Variants in OR5B2 observed in about 807,000 individuals in gnomAD.
OR5B2 encodes the protein olfactory receptor 5B2.
For synonymous variants in OR5B2, 163 were observed against 140.8 expected (o/e 1.16, Z -1.11); for missense variants, 411 against 367.0 (o/e 1.12, Z -0.98).
At chr11:58,426,900 A>T (rs1006579088) in intron 1 of OR5B2, among the ~76,000 whole-genome samples, 4 of 152,164 alleles carry the variant, frequency 2.6e-5, no homozygotes, top group African/African-American at 9.7e-5. Flanking sequence ...AGAAGGGATC[A>T]TCGTATCTGC....
At position 58,422,254 on chromosome 11, in the gene OR5B2, T is replaced by C. The variant is rs1287240044; in HGVS notation, c.*78A>G. 5 of 827,232 alleles carry C rather than the reference T, an allele frequency of 6.0e-6. No individual in the cohort carries two copies. In the Admixed American group the frequency reaches 6.7e-5, roughly 11 times the overall value. The allele number at this position is 827,232 out of a possible 1,614,324, so 51.2% of individuals were successfully genotyped here. A position where few individuals can be genotyped will look rare whatever the true frequency, so the allele number is the denominator to read the frequency against. Reference sequence around the variant, plus strand: ...CTTAAATGTATTGTGGGGTTTCAAATGTAACTCATTGCATGAGGAAAGTCT... The same window carrying C: ...CTTAAATGTATTGTGGGGTTTCAAACGTAACTCATTGCATGAGGAAAGTCT... On this transcript the variant is annotated 3_prime_UTR_variant, in exon 3 of 3. Coordinates refer to ENST00000641342, the MANE Select transcript of OR5B2 (RefSeq NM_001005566.3).
intron 2 of OR5B2, 122 bp downstream of exon 2, chr11:58,426,500 T>C (rs1855340009): frequency 6.6e-6 from 1 of 152,148 alleles, no homozygotes; most frequent in Non-Finnish European, 1.5e-5. Context: ...CATGAAAATA[T>C]TAAAAGCTGG....
Position 58,425,173 on chromosome 11 carries a change from TTC to T in OR5B2, c.-29+1447_-29+1448del, listed in dbSNP as rs1855323187. 4.6e-5 allele frequency among the ~76,000 whole-genome samples: 7 copies of T among 152,210 alleles called. No homozygotes were observed. The South Asian group carries it at 1.5e-3, about 32-fold the overall frequency. Reference sequence around the variant, plus strand: ...AGTTTGAAGAGCTGTCAATTCACACTTCTGTTATTTTTGTTTGTTTTACTTCA... The same window carrying T: ...AGTTTGAAGAGCTGTCAATTCACACTTGTTATTTTTGTTTGTTTTACTTCA... On this transcript the variant is annotated intron_variant, in intron 2 of 2. Transcript: ENST00000641342.
In OR5B2 at chr11:58,422,947, C is replaced by T; in HGVS notation, c.315G>A (p.Leu105=). The T allele has an allele frequency of 3.1e-6, 5 of 1,613,764 alleles. No homozygotes were observed. In the Middle Eastern group the frequency reaches 8.3e-4, roughly 266 times the overall value. ...CCAACAAGTAATTTTCCACCGTGGCCAAGGCTACAAAGAAGAACATCTGAA... is the reference window on the plus strand; with the variant it reads ...CCAACAAGTAATTTTCCACCGTGGCTAAGGCTACAAAGAAGAACATCTGAA... ...CAVQMFFFVA[L]ATVENYLLAS... The change falls in exon 3 of 3, where the codon TTG becomes TTA. Residue 105 remains leucine, a synonymous_variant. Transcript: ENST00000641342.
chr11:58,422,184 A>C lies in OR5B2; in HGVS notation c.*148T>G. The C allele has an allele frequency of 4.0e-6, 2 of 496,930 alleles. No individual in the cohort carries two copies. Among genetic ancestry groups the C allele is most frequent in the Non-Finnish European group, 7.1e-6 (2 of 281,274 alleles). 30.8% of individuals were successfully genotyped at this position (496,930 alleles called of 1,614,324 possible). A position where few individuals can be genotyped will look rare whatever the true frequency, so the allele number is the denominator to read the frequency against. ...ACATTTCTGATAATATTTTATTTTTATTAAAAAATTGACTTCTAAAGAGGT... is the reference window on the plus strand; with the variant it reads ...ACATTTCTGATAATATTTTATTTTTCTTAAAAAATTGACTTCTAAAGAGGT... On this transcript the variant is annotated 3_prime_UTR_variant, in exon 3 of 3. Transcript: ENST00000641342.
chr11:58,422,415 G>C lies in OR5B2; in HGVS notation c.847C>G (p.Leu283Val). Residue 283 changes from leucine (L) to valine (V), a missense_variant, in exon 3 of 3, where the codon CTG (leucine) becomes GTG (valine). Leu to Val is a conservative substitution (Grantham distance 32). Transcript: ENST00000641342. ...SVFYAMIIPM[L>V]NPVVYSLRNR... Reference sequence around the variant, plus strand: ...CTCAGGCTGTAGACCACAGGGTTCAGCATGGGGATGATCATAGCATAGAAC... The same window carrying C: ...CTCAGGCTGTAGACCACAGGGTTCACCATGGGGATGATCATAGCATAGAAC... 6.2e-7 allele frequency: 1 copy of C among 1,613,658 alleles called. No individual in the cohort carries two copies. Among genetic ancestry groups the C allele is most frequent in the Non-Finnish European group, 8.5e-7 (1 of 1,179,742 alleles).
rs1855298354 is a variant in OR5B2 at position 58,423,040 on chromosome 11, A to G, written c.222T>C (p.Ala74=). The part of the protein sequence containing the change: ...LSLVDFGYSS[A]VTPKVMAGFL... Reference sequence around the variant, plus strand: ...ACCCAGCCATGACCTTGGGAGTGACAGCTGAGGAGTATCCAAAGTCCACCA... The same window carrying G: ...ACCCAGCCATGACCTTGGGAGTGACGGCTGAGGAGTATCCAAAGTCCACCA... The change falls in exon 3 of 3, where the codon GCT becomes GCC. Residue 74 remains alanine, a synonymous_variant. Coordinates refer to ENST00000641342, the MANE Select transcript of OR5B2 (RefSeq NM_001005566.3). 6.2e-7 allele frequency: 1 copy of G among 1,613,528 alleles called. No homozygotes were observed. The highest frequency in any genetic ancestry group is 8.5e-7 in the Non-Finnish European group (1 of 1,179,558).
At chr11:58,427,004 T>C (rs1046488246) in intron 1 of OR5B2, among the ~76,000 whole-genome samples, 1 of 151,474 alleles carries the variant, frequency 6.6e-6, no homozygotes, top group Non-Finnish European at 1.5e-5. Context: ...CTTAGTACAA[T>C]GGACAACCTT....
chr11:58,422,433 C>T lies in OR5B2; in HGVS notation c.829G>A (p.Ala277Thr), dbSNP rs1590711410. 6.2e-7 allele frequency: 1 copy of T among 1,613,698 alleles called. No individual in the cohort carries two copies. The highest frequency in any genetic ancestry group is 8.5e-7 in the Non-Finnish European group (1 of 1,179,786). Reference sequence around the variant, plus strand: ...GGGTTCAGCATGGGGATGATCATAGCATAGAACACAGATGCCATTTTGTCT... The same window carrying T: ...GGGTTCAGCATGGGGATGATCATAGTATAGAACACAGATGCCATTTTGTCT... ...DTDKMASVFY[A>T]MIIPMLNPVV... Residue 277 changes from alanine to threonine, a missense_variant, in exon 3 of 3, where the codon GCT (alanine) becomes ACT (threonine). Physicochemically the swap from Ala to Thr is moderately conservative, Grantham distance 58. Coordinates refer to ENST00000641342, the MANE Select transcript of OR5B2 (RefSeq NM_001005566.3).
Position 58,422,604 on chromosome 11 carries a change from A to G in OR5B2, c.658T>C (p.Phe220Leu). The G allele has an allele frequency of 6.2e-7, 1 of 1,613,728 alleles. No individual in the cohort carries two copies. Among genetic ancestry groups the G allele is most frequent in the South Asian group, 1.1e-5 (1 of 91,074 alleles). ...LVIFISYLFI[F>L]ITILKMHSAK... is the part of the protein sequence containing the mutation. ...GAATGCATCTTCAAGATGGTGATGA[A>G]TATGAACAAGTAGGAGATAAAGATA... Residue 220 changes from phenylalanine (F) to leucine (L), a missense_variant, in exon 3 of 3, where the codon TTC becomes CTC. Physicochemically the swap from Phe to Leu is conservative, Grantham distance 22. Coordinates refer to ENST00000641342, the MANE Select transcript of OR5B2 (RefSeq NM_001005566.3).
Position 58,422,606 on chromosome 11 carries a change from A to G in OR5B2, c.656T>C (p.Ile219Thr). The part of the protein sequence containing the change: ...LLVIFISYLF[I>T]FITILKMHSA... ...ATGCATCTTCAAGATGGTGATGAATATGAACAAGTAGGAGATAAAGATAAC... is the reference window on the plus strand; with the variant it reads ...ATGCATCTTCAAGATGGTGATGAATGTGAACAAGTAGGAGATAAAGATAAC... Residue 219 changes from isoleucine (I) to threonine (T), a missense_variant, in exon 3 of 3, where the codon ATA becomes ACA. Physicochemically the swap from Ile to Thr is moderately conservative, Grantham distance 89. Coordinates refer to ENST00000641342, the MANE Select transcript of OR5B2 (RefSeq NM_001005566.3). 1 of 1,613,780 alleles carries G rather than the reference A, an allele frequency of 6.2e-7. No individual in the cohort carries two copies. Among genetic ancestry groups the G allele is most frequent in the Non-Finnish European group, 8.5e-7 (1 of 1,179,840 alleles).
intron 2 of OR5B2, among the ~76,000 whole-genome samples, chr11:58,426,056 A>C (rs955587010): frequency 2.0e-5 from 3 of 152,034 alleles, no homozygotes; most frequent in Non-Finnish European, 4.4e-5. Flanking sequence ...TTATTTATTC[A>C]TTTATTCATT....
chr11:58,422,546 C>T lies in OR5B2; in HGVS notation c.716G>A (p.Cys239Tyr), dbSNP rs777308368. 1.2e-6 allele frequency: 2 copies of T among 1,613,754 alleles called. No individual in the cohort carries two copies. The highest frequency in any genetic ancestry group is 2.2e-5 in the East Asian group (1 of 44,858). Residue 239 changes from cysteine to tyrosine, a missense_variant, in exon 3 of 3, where the codon TGT becomes TAT. Physicochemically the swap from Cys to Tyr is radical, Grantham distance 194 (BLOSUM62 -2). Coordinates refer to ENST00000641342, the MANE Select transcript of OR5B2 (RefSeq NM_001005566.3). ...GGAGACTGCAGTGAAGTGAGAGGCA[C>T]AGGTGGACAATGCTTTTTGGTGTCC... ...AKGHQKALSTCASHFTAVSVF... is the reference protein window; with the variant it reads ...AKGHQKALSTYASHFTAVSVF...
rs1309570562 is a variant in OR5B2 at position 58,422,699 on chromosome 11, G to C, written c.563C>G (p.Ser188Cys). Residue 188 changes from serine to cysteine, a missense_variant, in exon 3 of 3, where the codon TCT becomes TGT. By Grantham distance (112) the Ser-to-Cys change is moderately radical. Coordinates refer to ENST00000641342, the MANE Select transcript of OR5B2 (RefSeq NM_001005566.3). ...AATCACCTCACTAGTGTGTTTATCA[G>C]AGCAAGACAGAGCCATGACTGCTGG... ...DVPAVMALSC[S>C]DKHTSEVILV... is the part of the protein sequence containing the mutation. 1 of 1,613,646 alleles carries C rather than the reference G, an allele frequency of 6.2e-7. No homozygotes were observed. Among genetic ancestry groups the C allele is most frequent in the African/African-American group, 1.3e-5 (1 of 74,898 alleles).
At chr11:58,424,502 G>A (rs543681749) in intron 2 of OR5B2, among the ~76,000 whole-genome samples, 1 of 151,930 alleles carries the variant, frequency 6.6e-6, no homozygotes, top group South Asian at 2.1e-4. Flanking sequence ...TTTTAGCTTG[G>A]TTTCGCAGCA....
chr11:58,425,810 A>G (rs1330082521), intron 2 of OR5B2, among the ~76,000 whole-genome samples: 3 of 152,070 alleles, frequency 2.0e-5, no homozygotes, highest in Admixed American at 1.3e-4. Flanking sequence ...GTAGGTGAAA[A>G]ATAGGGTTCC....
rs777984197 is a variant in OR5B2 at position 58,422,351 on chromosome 11, C to A, written c.911G>T (p.Arg304Ile). ...EVQNAFKKVL[R>I]RQKFL ...CCAAACTTATAGAAATTTTTGCCTT[C>A]TCAACACTTTCTTGAATGCATTCTG... The change falls in exon 3 of 3, where the codon AGA becomes ATA. Residue 304 changes from arginine to isoleucine, a missense_variant. Physicochemically the swap from Arg to Ile is moderately conservative, Grantham distance 97. Coordinates refer to ENST00000641342, the MANE Select transcript of OR5B2 (RefSeq NM_001005566.3). 6.2e-7 allele frequency: 1 copy of A among 1,606,280 alleles called. No homozygotes were observed. Among genetic ancestry groups the A allele is most frequent in the South Asian group, 1.1e-5 (1 of 90,530 alleles).
chr11:58,422,605 TA>T lies in OR5B2; in HGVS notation c.656del (p.Ile219AsnfsTer6). The T allele has an allele frequency of 6.2e-7, 1 of 1,613,620 alleles. No homozygotes were observed. Among genetic ancestry groups the T allele is most frequent in the Non-Finnish European group, 8.5e-7 (1 of 1,179,778 alleles). ...AATGCATCTTCAAGATGGTGATGAA[TA>T]TGAACAAGTAGGAGATAAAGATAAC... ...LLVIFISYLF[I>X]FITILKMHSA... On this transcript the variant is annotated frameshift_variant, in exon 3 of 3. Coordinates refer to ENST00000641342, the MANE Select transcript of OR5B2 (RefSeq NM_001005566.3). LOFTEE classifies it low-confidence loss of function (END_TRUNC).
At chr11:58,424,884 TG>T (rs940259280) in intron 2 of OR5B2, among the ~76,000 whole-genome samples, 1 of 152,122 alleles carries the variant, frequency 6.6e-6, no homozygotes, top group African/African-American at 2.4e-5. Flanking sequence ...TGTGTGTGTT[TG>T]TGTGTGATAA....
Sources: gnomAD v4.1 joint callset for allele counts (sites outside exome capture counted in the v4.1 genomes callset) on GRCh38, gnomAD v4.1.1 for gene constraint, MANE v1.5 for transcripts, NCBI Gene and HGNC (gene_info 2026-07-23, HGNC 2026-07-21) for gene names.